Variants in EPB41L4A observed in about 807,000 individuals in gnomAD.
EPB41L4A encodes the protein erythrocyte membrane protein band 4.1 like 4A, also known as band 4.1-like protein 4A.
A neutral mutation model predicts 108.6 loss-of-function variants in EPB41L4A; 100 were observed. That is an observed-to-expected ratio of 0.92 (90% CI 0.78 to 1.09). The LOEUF is 1.09. Ranked by LOEUF, EPB41L4A falls within the 50% of genes least tolerant of loss-of-function variation. The pLI is 0.00. For synonymous variants in EPB41L4A, 319 were observed against 289.0 expected (o/e 1.10, Z -1.05); for missense variants, 1,030 against 842.7 (o/e 1.22, Z -2.75).
chr5:112,228,652 T>A (rs867397267), intron 12 of EPB41L4A: 1 of 948,398 alleles, frequency 1.1e-6, no homozygotes, highest in African/African-American at 1.8e-5. Context: ...CCAAATATTC[T>A]GTCTTCATTG....
intron 1 of EPB41L4A, among the ~76,000 whole-genome samples, chr5:112,412,780 C>CA (rs1221003976): frequency 2.0e-5 from 3 of 152,194 alleles, no homozygotes; most frequent in Non-Finnish European, 2.9e-5. Context: ...CAGTCAATCT[C>CA]AGAGAGGCAG....
chr5:112,407,093 G>A (rs1381801706), intron 1 of EPB41L4A, among the ~76,000 whole-genome samples: 2 of 152,012 alleles, frequency 1.3e-5, no homozygotes, highest in African/African-American at 4.8e-5. Context: ...ATGAGTGGCT[G>A]ACAGGAAAAA....
intron 9 of EPB41L4A, among the ~76,000 whole-genome samples, chr5:112,243,513 T>C (rs183203320): frequency 6.0e-4 from 91 of 152,266 alleles, no homozygotes; most frequent in Admixed American, 1.5e-3. Context: ...AATGCAGGCA[T>C]TGACTTCTCG....
intron 3 of EPB41L4A, among the ~76,000 whole-genome samples, chr5:112,279,917 A>G (rs1416087059): frequency 6.6e-6 from 1 of 152,098 alleles, no homozygotes; most frequent in Non-Finnish European, 1.5e-5. Context: ...AAGCTTGGAC[A>G]TTATGACCCA....
intron 1 of EPB41L4A, among the ~76,000 whole-genome samples, chr5:112,346,915 T>C (rs374169074): frequency 1.4e-4 from 22 of 152,312 alleles, no homozygotes; most frequent in African/African-American, 5.3e-4. Context: ...CCAGTGCTCA[T>C]TACAGCTTTC....
At chr5:112,272,696 A>G (rs12656841) in intron 4 of EPB41L4A, among the ~76,000 whole-genome samples, 139,171 of 149,034 alleles carry the variant, frequency 0.93, 65,554 homozygotes, top group Non-Finnish European at 1. Flanking sequence ...CAGGAGAATC[A>G]CTTGAACATA....
At chr5:112,376,772 A>G (rs777686256) in intron 1 of EPB41L4A, among the ~76,000 whole-genome samples, 11 of 152,214 alleles carry the variant, frequency 7.2e-5, no homozygotes, top group East Asian at 1.9e-4. Flanking sequence ...TGGAACTATG[A>G]TAAGTTAAAA....
intron 1 of EPB41L4A, among the ~76,000 whole-genome samples, chr5:112,308,582 C>G (rs1047041287): frequency 3.9e-5 from 6 of 152,158 alleles, no homozygotes; most frequent in Non-Finnish European, 8.8e-5. Flanking sequence ...TTAACTGGTT[C>G]CTTTTTCAAA....
intron 17 of EPB41L4A, among the ~76,000 whole-genome samples, chr5:112,192,931 A>AT (rs1484683551): frequency 1.3e-5 from 2 of 152,168 alleles, no homozygotes; most frequent in East Asian, 3.9e-4. Context: ...ATAAGTGGGT[A>AT]TTTTTGCTTT....
chr5:112,168,725 T>C lies in EPB41L4A; in HGVS notation c.1932+14A>G. The C allele has an allele frequency of 6.2e-7, 1 of 1,605,682 alleles. No homozygotes were observed. The highest frequency in any genetic ancestry group is 8.5e-7 in the Non-Finnish European group (1 of 1,172,560). ...ATCAATACAACACCTTCTTCAAACC[T>C]TACTATTACTAACCTGATGAACTGT... On this transcript the variant is annotated intron_variant, in intron 22 of 22. Transcript: ENST00000261486.
intron 7 of EPB41L4A, among the ~76,000 whole-genome samples, chr5:112,261,708 G>C (rs1443411867): frequency 6.6e-6 from 1 of 152,142 alleles, no homozygotes; most frequent in Non-Finnish European, 1.5e-5. Flanking sequence ...TATTAATGCA[G>C]TGATACCTAC....
intron 1 of EPB41L4A, among the ~76,000 whole-genome samples, chr5:112,416,687 G>A (rs1405514279): frequency 2.0e-5 from 3 of 152,106 alleles, no homozygotes; most frequent in Admixed American, 2.0e-4. Flanking sequence ...AACTAAAGTA[G>A]GAGTTAATTT....
At chr5:112,288,534 C>T (rs1190614604) in intron 2 of EPB41L4A, among the ~76,000 whole-genome samples, 1 of 152,222 alleles carries the variant, frequency 6.6e-6, no homozygotes, top group Non-Finnish European at 1.5e-5. Flanking sequence ...TAGTGAACAA[C>T]TCCTAGGCAA....
chr5:112,192,341 C>T (rs1580401859), intron 17 of EPB41L4A: 1 of 152,182 alleles, frequency 6.6e-6, no homozygotes, highest in East Asian at 1.9e-4. Context: ...TTTCTTCTTC[C>T]TCTGCCCACT....
chr5:112,326,211 G>C (rs1756149858), intron 1 of EPB41L4A, among the ~76,000 whole-genome samples: 1 of 151,998 alleles, frequency 6.6e-6, no homozygotes, highest in Admixed American at 6.6e-5. Context: ...TCCACTGACT[G>C]CCTCTCTTTC....
intron 1 of EPB41L4A, among the ~76,000 whole-genome samples, chr5:112,381,911 C>T (rs143166060): frequency 0.017 from 2,598 of 152,346 alleles, 60 homozygotes; most frequent in African/African-American, 0.059. Flanking sequence ...ACTGGGTAAC[C>T]TCCCCCTTTC....
chr5:112,172,886 T>C (rs1424456932), intron 18 of EPB41L4A, among the ~76,000 whole-genome samples: 1 of 152,210 alleles, frequency 6.6e-6, no homozygotes, highest in East Asian at 1.9e-4. Flanking sequence ...CCCTTGGCCC[T>C]ACTGACATTT....
At chr5:112,310,316 A>G (rs1754967009) in intron 1 of EPB41L4A, among the ~76,000 whole-genome samples, 1 of 152,190 alleles carries the variant, frequency 6.6e-6, no homozygotes, top group Non-Finnish European at 1.5e-5. Context: ...TAGTTTGTCT[A>G]TGGAGTCTTC....
intron 1 of EPB41L4A, among the ~76,000 whole-genome samples, chr5:112,383,081 A>G (rs1338096899): frequency 1.3e-5 from 2 of 152,184 alleles, no homozygotes; most frequent in Non-Finnish European, 2.9e-5. Flanking sequence ...GGATCCTCAG[A>G]AGTGCATGTG....
Sources: gnomAD v4.1 joint callset for allele counts (sites outside exome capture counted in the v4.1 genomes callset) on GRCh38, gnomAD v4.1.1 for gene constraint, MANE v1.5 for transcripts, NCBI Gene and HGNC (gene_info 2026-07-23, HGNC 2026-07-21) for gene names.